Variants in MSI2 observed in about 807,000 individuals in gnomAD.
MSI2 encodes the protein musashi RNA binding protein 2.
Under a neutral mutation model 45.6 loss-of-function variants are expected in MSI2, and 17 were observed. The observed-to-expected ratio is 0.37, with a 90% CI of 0.26 to 0.56. The LOEUF (loss-of-function observed/expected upper bound fraction) is 0.56, where lower values mean the gene tolerates loss of function less well. Among genes scored for constraint, MSI2 ranks in the 20% least tolerant of loss-of-function variants. The probability of loss-of-function intolerance (pLI) is 0.77; values close to 1 mark genes in which losing one functional copy is unlikely to be tolerated. For synonymous variants in MSI2, 156 were observed against 158.2 expected (o/e 0.99, Z 0.11); for missense variants, 293 against 444.2 (o/e 0.66, Z 3.06).
chr17:57,610,088 A>G (rs1567934498), intron 8 of MSI2, among the ~76,000 whole-genome samples: 1 of 152,162 alleles, frequency 6.6e-6, no homozygotes, highest in Non-Finnish European at 1.5e-5. Context: ...TGAGACTGAT[A>G]ACTGTGCTAT....
At chr17:57,286,425 T>C (rs1321971979) in intron 5 of MSI2, among the ~76,000 whole-genome samples, 1 of 152,212 alleles carries the variant, frequency 6.6e-6, no homozygotes, top group Non-Finnish European at 1.5e-5. Flanking sequence ...CTGAGAGTCA[T>C]TGATTCACTA....
intron 5 of MSI2, among the ~76,000 whole-genome samples, chr17:57,273,067 A>G (rs1357317590): frequency 2.6e-5 from 4 of 152,174 alleles, no homozygotes; most frequent in Non-Finnish European, 5.9e-5. Context: ...CTACCTGGGG[A>G]AAAAGGATCA....
At chr17:57,553,909 C>G (rs571698581) in intron 7 of MSI2, among the ~76,000 whole-genome samples, 1 of 152,246 alleles carries the variant, frequency 6.6e-6, no homozygotes, top group South Asian at 2.1e-4. Flanking sequence ...AAGCAAAGCT[C>G]CAGAGAGAGA....
chr17:57,445,607 T>G (rs1469507019), intron 6 of MSI2, among the ~76,000 whole-genome samples: 1 of 152,084 alleles, frequency 6.6e-6, no homozygotes, highest in Non-Finnish European at 1.5e-5. Context: ...TGTATAAAGA[T>G]TATAATGCAT....
chr17:57,563,072 TG>T (rs1481387198), intron 7 of MSI2, among the ~76,000 whole-genome samples: 7 of 113,368 alleles, frequency 6.2e-5, no homozygotes, highest in Middle Eastern at 9.6e-3. Context: ...CACGCCAGCC[TG>T]GGTGACAGAG....
chr17:57,316,042 G>A (rs1411006850), intron 5 of MSI2, among the ~76,000 whole-genome samples: 2 of 151,962 alleles, frequency 1.3e-5, no homozygotes, highest in Admixed American at 6.5e-5. Flanking sequence ...AGGTCCCACC[G>A]AGAGAATAGA....
rs879828728 is a variant in MSI2 at position 57,652,036 on chromosome 17, A to G, written c.728-63A>G. ...CGGGGGGTTGTGTGGCCCGTGACCT[A>G]GGTCTGTGCCTGGCCCTTTCAAGGA... On this transcript the variant is annotated intron_variant, in intron 10 of 13. Transcript: ENST00000284073. This position sits in a 1 kb window ranked among gnomAD's most constrained non-coding sequence, Gnocchi z 4.1. 2.0e-6 allele frequency: 3 copies of G among 1,510,016 alleles called. No individual in the cohort carries two copies. Among genetic ancestry groups the G allele is most frequent in the Non-Finnish European group, 2.8e-6 (3 of 1,085,660 alleles). 93.5% of individuals were successfully genotyped at this position (1,510,016 alleles called of 1,614,324 possible). A position where few individuals can be genotyped will look rare whatever the true frequency, so the allele number is the denominator to read the frequency against.
chr17:57,554,338 GC>G (rs1442404661), intron 7 of MSI2, among the ~76,000 whole-genome samples: 2 of 152,118 alleles, frequency 1.3e-5, no homozygotes, highest in African/African-American at 4.8e-5. Flanking sequence ...TTACTAGAGA[GC>G]CTTGTTACTT....
chr17:57,646,931 A>G (rs1567957526), intron 10 of MSI2, among the ~76,000 whole-genome samples: 1 of 152,158 alleles, frequency 6.6e-6, no homozygotes, highest in Non-Finnish European at 1.5e-5. Context: ...CTGAGATTTG[A>G]TCAGCAAAAT....
chr17:57,408,778 G>C (rs1169998306), intron 6 of MSI2, among the ~76,000 whole-genome samples: 1 of 152,110 alleles, frequency 6.6e-6, no homozygotes, highest in Admixed American at 6.5e-5. Flanking sequence ...TGTGCCAGTG[G>C]GTGCAAGGGG....
intron 6 of MSI2, among the ~76,000 whole-genome samples, chr17:57,493,364 A>G (rs2085914319): frequency 6.6e-6 from 1 of 152,142 alleles, no homozygotes; most frequent in Admixed American, 6.6e-5. Context: ...CTTCAGCAAA[A>G]GAGGAAGCGA....
At chr17:57,273,937 G>A (rs1259788594) in intron 5 of MSI2, among the ~76,000 whole-genome samples, 3 of 152,176 alleles carry the variant, frequency 2.0e-5, no homozygotes, top group Non-Finnish European at 4.4e-5. Context: ...CAGAGCGGGG[G>A]AACTGCTCTG....
intron 5 of MSI2, among the ~76,000 whole-genome samples, chr17:57,327,618 T>C (rs1042679282): frequency 2.6e-5 from 4 of 152,310 alleles, no homozygotes; most frequent in African/African-American, 9.6e-5. Context: ...AATCCTTTGC[T>C]CCTACTCTCT....
At chr17:57,416,497 C>T (rs1254850985) in intron 6 of MSI2, among the ~76,000 whole-genome samples, 3 of 152,216 alleles carry the variant, frequency 2.0e-5, no homozygotes, top group Non-Finnish European at 4.4e-5. Context: ...CAAGTTATTT[C>T]AAAAGGCCTG....
At chr17:57,256,376 G>T (rs1260827855), upstream of MSI2, among the ~76,000 whole-genome samples, 1 of 151,298 alleles carries the variant, frequency 6.6e-6, no homozygotes, top group African/African-American at 2.4e-5. Flanking sequence ...GCACGGGGGT[G>T]CGTGACGTCA....
intron 8 of MSI2, among the ~76,000 whole-genome samples, chr17:57,603,462 G>A (rs973658985): frequency 1.3e-5 from 2 of 152,212 alleles, no homozygotes; most frequent in African/African-American, 4.8e-5. Flanking sequence ...TTGCTCCTGT[G>A]GGAAATCAGA....
intron 6 of MSI2, among the ~76,000 whole-genome samples, chr17:57,441,031 C>T (rs1359624293): frequency 1.3e-5 from 2 of 152,134 alleles, no homozygotes; most frequent in Non-Finnish European, 2.9e-5. Flanking sequence ...CCCAGGGCTG[C>T]AGGGACCTGG....
intron 9 of MSI2, among the ~76,000 whole-genome samples, chr17:57,624,628 T>C (rs1419371284): frequency 1.3e-5 from 2 of 152,104 alleles, no homozygotes; most frequent in Middle Eastern, 3.4e-3. Context: ...TGTCAATGAG[T>C]CACCAAGCAC....
chr17:57,369,108 T>C (rs1374911445), intron 5 of MSI2, among the ~76,000 whole-genome samples: 1 of 152,230 alleles, frequency 6.6e-6, no homozygotes, highest in East Asian at 1.9e-4. Context: ...TTTGCTCTAC[T>C]GATGGTTGGT....
Sources: allele counts gnomAD v4.1 joint callset (sites outside exome capture counted in the v4.1 genomes callset), GRCh38; gene constraint gnomAD v4.1.1; non-coding constraint Gnocchi (gnomAD v3.1); transcripts MANE v1.5; gene names NCBI Gene and HGNC (gene_info 2026-07-23, HGNC 2026-07-21).